ZNF618: variants seen among roughly 807,000 people sequenced by gnomAD.
ZNF618 encodes the protein zinc finger protein 618.
Under a neutral mutation model 103.0 loss-of-function variants are expected in ZNF618, and 34 were observed. The ratio of observed to expected loss-of-function variants is 0.33; its 90% CI spans 0.25 to 0.44. The LOEUF (loss-of-function observed/expected upper bound fraction) is 0.44, where lower values mean the gene tolerates loss of function less well. ZNF618 is among the 20% of genes least tolerant of loss of function. The probability of loss-of-function intolerance (pLI) is 1.00; values close to 1 mark genes in which losing one functional copy is unlikely to be tolerated. For synonymous variants in ZNF618, 551 were observed against 542.2 expected, an observed-to-expected ratio of 1.02 and a Z score of -0.23; for missense variants, 1,059 against 1,295.4, an observed-to-expected ratio of 0.82 and a Z score of 2.80.
At chr9:113,969,072 A>G (rs763222232) in intron 1 of ZNF618, 45 bp from the exon 2 acceptor site, 1 of 1,612,858 alleles carries the variant, frequency 6.2e-7, no homozygotes, top group Admixed American at 1.7e-5. Flanking sequence ...TCAAATCTGC[A>G]TCTTCTGCCT....
intron 3 of ZNF618, among the ~76,000 whole-genome samples, chr9:113,993,035 T>C (rs1008572624): frequency 3.3e-5 from 5 of 152,208 alleles, no homozygotes; most frequent in African/African-American, 1.2e-4. Flanking sequence ...TGATAGATAC[T>C]AAACTTAATA....
intron 1 of ZNF618, among the ~76,000 whole-genome samples, chr9:113,909,859 A>C (rs1265323050): frequency 6.6e-6 from 1 of 150,722 alleles, no homozygotes; most frequent in Non-Finnish European, 1.5e-5. Flanking sequence ...GTCTCAGCTC[A>C]CTGCAACCTC....
In ZNF618 at chr9:114,055,041, ACG is replaced by A. The variant is rs984767575; in HGVS notation, c.*4875_*4876del. On this transcript the variant is annotated 3_prime_UTR_variant, in exon 15 of 15. Transcript: ENST00000374126. ...CATTTGGGTGTTAGCATCACGACCC[ACG>A]AGGGCCCTGCCCAACCGTGCGTCCC... The A allele has an allele frequency of 3.3e-5, 5 of 151,272 alleles. No homozygotes were observed. Among genetic ancestry groups the A allele is most frequent in the African/African-American group, 1.2e-4 (5 of 41,138 alleles). 9.4% of individuals were successfully genotyped at this position (151,272 alleles called of 1,614,324 possible).
intron 13 of ZNF618, among the ~76,000 whole-genome samples, chr9:114,041,759 G>A (rs1198097611): frequency 2.0e-5 from 3 of 151,800 alleles, no homozygotes; most frequent in Non-Finnish European, 4.4e-5. Context: ...AAGTCAGGTA[G>A]TGTGAGGCCT....
chr9:113,932,585 G>A (rs1263663048), intron 1 of ZNF618, among the ~76,000 whole-genome samples: 1 of 152,178 alleles, frequency 6.6e-6, no homozygotes, highest in Non-Finnish European at 1.5e-5. Flanking sequence ...TGGAGAGAGA[G>A]TGAGGAGAGG....
chr9:114,020,705 T>C (rs2116406), intron 10 of ZNF618, among the ~76,000 whole-genome samples: 91,454 of 151,938 alleles, frequency 0.6, 28,524 homozygotes, highest in East Asian at 0.77. Context: ...TTTTAGATTT[T>C]TTTGGATTTT....
At chr9:114,011,469 C>A (rs10817555) in intron 9 of ZNF618, among the ~76,000 whole-genome samples, 43,882 of 152,122 alleles carry the variant, frequency 0.29, 7,835 homozygotes, top group East Asian at 0.61. Context: ...TGGCTGCCAG[C>A]GTGCTCCCAG....
intron 6 of ZNF618, among the ~76,000 whole-genome samples, chr9:114,005,749 A>G (rs777990015): frequency 1.1e-4 from 17 of 152,194 alleles, no homozygotes; most frequent in Admixed American, 2.6e-4. Flanking sequence ...CTGATGGGGA[A>G]GTTGTCTAAG....
intron 1 of ZNF618, among the ~76,000 whole-genome samples, chr9:113,898,439 T>TG (rs1830230049): frequency 1.7e-5 from 1 of 59,458 alleles, no homozygotes. Context: ...AGATTTTTCG[T>TG]TTTTTTTTTT....
chr9:113,928,371 A>G (rs887075422), intron 1 of ZNF618, among the ~76,000 whole-genome samples: 14 of 152,136 alleles, frequency 9.2e-5, no homozygotes, highest in African/African-American at 3.1e-4. Context: ...GTTATTTACA[A>G]TTGCTTATCT....
chr9:114,035,251 G>A (rs1038542989), intron 12 of ZNF618: 16 of 986,024 alleles, frequency 1.6e-5, no homozygotes, highest in East Asian at 2.3e-4. Context: ...TGATGGTCCC[G>A]TTGGGGGGCT....
intron 1 of ZNF618, among the ~76,000 whole-genome samples, chr9:113,938,630 G>A (rs190149377): frequency 1.3e-3 from 184 of 146,984 alleles, no homozygotes; most frequent in African/African-American, 3.5e-3. Context: ...GTGCAGTGGC[G>A]CAGTCTTGGC....
Position 113,885,959 on chromosome 9 carries a change from T to C in ZNF618, c.33+9546T>C, listed in dbSNP as rs545580513. 2.1e-3 allele frequency among the ~76,000 whole-genome samples: 321 copies of C among 152,306 alleles called. 1 individual carries two copies. Among genetic ancestry groups the C allele is most frequent in the African/African-American group, 7.5e-3 (310 of 41,564 alleles). On this transcript the variant is annotated intron_variant, in intron 1 of 14. Transcript: ENST00000374126. ...TCAGGTGATGCTTGGCCCCCCAGTC[T>C]GCTATAGAAAACACAGGGAAAAACA... is the stretch of plus-strand genomic sequence containing the variant.
chr9:113,900,011 A>G (rs573253214), intron 1 of ZNF618, among the ~76,000 whole-genome samples: 6 of 152,148 alleles, frequency 3.9e-5, no homozygotes, highest in Non-Finnish European at 8.8e-5. Flanking sequence ...TTGCTGGATC[A>G]TATGGTAATT....
intron 7 of ZNF618, 100 bp downstream of exon 7, chr9:114,007,539 A>C (rs1265746855): frequency 1.7e-6 from 2 of 1,147,602 alleles, no homozygotes; most frequent in Middle Eastern, 5.2e-4. Flanking sequence ...CCTCTTACCC[A>C]GAAAAAGGCC....
At chr9:113,990,186 A>T (rs79642499) in intron 3 of ZNF618, among the ~76,000 whole-genome samples, 2,908 of 152,224 alleles carry the variant, frequency 0.019, 96 homozygotes, top group African/African-American at 0.066. Context: ...CTCCTCCCAG[A>T]AGACTTCCTT....
At chr9:113,900,768 T>C (rs1830463372) in intron 1 of ZNF618, among the ~76,000 whole-genome samples, 2 of 119,572 alleles carry the variant, frequency 1.7e-5, no homozygotes, top group Non-Finnish European at 3.4e-5. Context: ...CCCGACCTCC[T>C]GTCTCCTAGC....
chr9:113,925,287 C>T (rs748783085), intron 1 of ZNF618, among the ~76,000 whole-genome samples: 2 of 151,988 alleles, frequency 1.3e-5, no homozygotes, highest in Non-Finnish European at 2.9e-5. Flanking sequence ...CTTGCTCTGA[C>T]TTCTGCTTTG....
At chr9:113,948,782 A>AG (rs1285397159) in intron 1 of ZNF618, among the ~76,000 whole-genome samples, 8 of 152,212 alleles carry the variant, frequency 5.3e-5, no homozygotes, top group Non-Finnish European at 1.2e-4. Flanking sequence ...TGGTGGCTAC[A>AG]GAAGGCAGCG....
Sources: allele counts gnomAD v4.1 joint callset (sites outside exome capture counted in the v4.1 genomes callset), GRCh38; gene constraint gnomAD v4.1.1; transcripts MANE v1.5; gene names NCBI Gene and HGNC (gene_info 2026-07-23, HGNC 2026-07-21).